The following UBN1 variants were observed in gnomAD, a reference collection of about 807,000 sequenced individuals.
UBN1 encodes the protein ubinuclein-1.
Under a neutral mutation model 108.5 loss-of-function variants are expected in UBN1, and 17 were observed. That is an observed-to-expected ratio of 0.16 (90% CI 0.11 to 0.24). The LOEUF (loss-of-function observed/expected upper bound fraction) is 0.24, where lower values mean the gene tolerates loss of function less well. Among genes scored for constraint, UBN1 ranks in the 10% least tolerant of loss-of-function variants. The probability of loss-of-function intolerance (pLI) is 1.00; values close to 1 mark genes in which losing one functional copy is unlikely to be tolerated. For missense variants in UBN1, 1,595 were observed against 1,394.4 expected (o/e 1.14, Z -2.29); for synonymous variants, 726 against 564.2 (o/e 1.29, Z -4.07).
Position 4,857,994 on chromosome 16 carries a change from A to T in UBN1, c.254A>T (p.Lys85Ile). ...TGTGGAACGATCTCTTTACAGAAGA[A>T]AGATCTGTCAGATCCTTTCAATGAC... ...VKGLQPGDKK[K>I]DLSDPFNDEE... Residue 85 changes from lysine (K) to isoleucine (I), a missense_variant, in exon 3 of 18, where the codon AAA becomes ATA. Physicochemically the swap from Lys to Ile is moderately radical, Grantham distance 102. This residue lies in a region of UBN1 where 181 missense variants were observed against 157.3 expected (regional missense o/e 1.15). Transcript: ENST00000262376. 1 of 1,610,492 alleles carries T rather than the reference A, an allele frequency of 6.2e-7. No individual in the cohort carries two copies. Among genetic ancestry groups the T allele is most frequent in the Non-Finnish European group, 8.5e-7 (1 of 1,178,544 alleles).
rs150284089 is a variant in UBN1, at chr16:4,853,136, G to A, written c.219G>A (p.Gly73=). 1 of 1,614,224 alleles carries A rather than the reference G, an allele frequency of 6.2e-7. No individual in the cohort carries two copies. Among genetic ancestry groups the A allele is most frequent in the African/African-American group, 1.3e-5 (1 of 75,056 alleles). ...FYPELVKNIR[G]KVKGLQPGDK... is the part of the protein sequence containing the mutation. ...CAGAGCTGGTGAAGAATATCCGAGG[G>A]AAGGTAAAAGGCCTTCAGCCTGGAG... Residue 73 remains glycine (G), a synonymous_variant, in exon 2 of 18, where the codon GGG becomes GGA. Transcript: ENST00000262376.
chr16:4,875,085 T>G lies in UBN1; in HGVS notation c.2675T>G (p.Val892Gly). The change falls in exon 15 of 18, where the codon GTC becomes GGC. Residue 892 changes from valine (V) to glycine (G), a missense_variant. By Grantham distance (109) the Val-to-Gly change is moderately radical. Transcript: ENST00000262376. The part of the protein sequence containing the change: ...ALSHPAKPHS[V>G]SSAGSSYKNN... ...AGCCATCCAGCAAAGCCACATTCAG[T>G]CAGCTCTGCAGGCTCATCTTACAAG... 1 of 1,614,132 alleles carries G rather than the reference T, an allele frequency of 6.2e-7. No homozygotes were observed. The highest frequency in any genetic ancestry group is 1.3e-5 in the African/African-American group (1 of 75,064).
chr16:4,854,012 A>G (rs530393988), intron 2 of UBN1, among the ~76,000 whole-genome samples: 5 of 152,072 alleles, frequency 3.3e-5, no homozygotes, highest in African/African-American at 1.2e-4. Context: ...GATTTCTAAC[A>G]GCTTAGATCT....
chr16:4,870,272 T>G lies in UBN1; in HGVS notation c.1242T>G (p.Leu414=). The G allele has an allele frequency of 6.2e-7, 1 of 1,614,222 alleles. No individual in the cohort carries two copies. The highest frequency in any genetic ancestry group is 8.5e-7 in the Non-Finnish European group (1 of 1,180,034). The change falls in exon 9 of 18, where the codon CTT becomes CTG. Residue 414 remains leucine, a synonymous_variant. Transcript: ENST00000262376. ...SQVRSGVYAY[L]ASFLPCSKDA... ...TCCGCTCTGGGGTGTATGCCTATCTTGCGTCATTCCTGCCCTGCAGCAAGG... is the reference window on the plus strand; with the variant it reads ...TCCGCTCTGGGGTGTATGCCTATCTGGCGTCATTCCTGCCCTGCAGCAAGG...
intron 8 of UBN1, 77 bp downstream of exon 8, chr16:4,868,980 G>A (rs539254718): frequency 6.7e-7 from 1 of 1,493,678 alleles, no homozygotes; most frequent in Non-Finnish European, 9.3e-7. Context: ...CTAGGGGACA[G>A]TGGGAGTACA....
chr16:4,872,809 C>G (rs1245887403), intron 12 of UBN1, 75 bp from the exon 13 acceptor site: 1 of 1,551,636 alleles, frequency 6.4e-7, no homozygotes, highest in African/African-American at 1.4e-5. Context: ...GGACCAGGGA[C>G]ACTAGCAAAG....
Position 4,847,557 on chromosome 16 carries a change from C to G in UBN1, c.-693C>G. 2.3e-6 allele frequency: 1 copy of G among 430,424 alleles called. No individual in the cohort carries two copies. Among genetic ancestry groups the G allele is most frequent in the Non-Finnish European group, 4.1e-6 (1 of 241,918 alleles). 26.7% of individuals were successfully genotyped at this position (430,424 alleles called of 1,614,324 possible). On this transcript the variant is annotated 5_prime_UTR_variant, in exon 1 of 18. Coordinates refer to ENST00000262376, the MANE Select transcript of UBN1 (RefSeq NM_001079514.3). ...GGCGGCGGCGGCGGCGACGGTGCGA[C>G]CGGCTGAGCGCGAGAGGGAGCCGGC...
At chr16:4,867,679 A>G (rs924341794) in intron 7 of UBN1, among the ~76,000 whole-genome samples, 2 of 152,120 alleles carry the variant, frequency 1.3e-5, no homozygotes, top group Non-Finnish European at 2.9e-5. Context: ...GGGTCCGCCT[A>G]TGGAAAGGAG....
rs1280993477 is a variant in UBN1, at chr16:4,870,198, G to A, written c.1182-14G>A. 6.2e-7 allele frequency: 1 copy of A among 1,614,152 alleles called. No homozygotes were observed. ...GTGAGCTGCAGCCGGTGGTGACTGT[G>A]TTTTGTTCTTCAGCATAGAGGCGCA... On this transcript the variant is annotated splice_polypyrimidine_tract_variant and intron_variant, in intron 8 of 17. Transcript: ENST00000262376.
chr16:4,875,644 C>T (rs1427880576), intron 15 of UBN1, among the ~76,000 whole-genome samples: 1 of 152,202 alleles, frequency 6.6e-6, no homozygotes, highest in African/African-American at 2.4e-5. Flanking sequence ...AAAGCTTCTT[C>T]TGAGGAGGGC....
intron 8 of UBN1, among the ~76,000 whole-genome samples, chr16:4,869,153 CAT>C (rs947867039): frequency 1.2e-4 from 18 of 152,330 alleles, no homozygotes; most frequent in South Asian, 4.1e-4. Flanking sequence ...GCATTAATAA[CAT>C]GTGATAATCA....
intron 7 of UBN1, among the ~76,000 whole-genome samples, chr16:4,865,227 C>G (rs546261124): frequency 6.6e-6 from 1 of 152,182 alleles, no homozygotes; most frequent in African/African-American, 2.4e-5. Flanking sequence ...GCAGTCGACT[C>G]TTCAGTATAA....
intron 12 of UBN1, chr16:4,872,182 A>G: frequency 1.0e-6 from 1 of 984,986 alleles, no homozygotes; most frequent in Non-Finnish European, 1.2e-6. Flanking sequence ...TGTCCTCTCT[A>G]CGTAGGCTGG....
In UBN1 at chr16:4,874,413, A is replaced by C; in HGVS notation, c.2003A>C (p.Asn668Thr). The C allele has an allele frequency of 6.2e-7, 1 of 1,613,924 alleles. No homozygotes were observed. The highest frequency in any genetic ancestry group is 1.6e-4 in the Middle Eastern group (1 of 6,062). Residue 668 changes from asparagine (N) to threonine (T), a missense_variant, in exon 15 of 18, where the codon AAT becomes ACT. Transcript: ENST00000262376. The stretch of plus-strand genomic sequence containing the variant: ...TCATTGGATGAAGACTTGATCCGCA[A>C]TCCAGCCTCCTCGGTGGAAGCCGTG... Reference protein sequence around the residue: ...EDSLDEDLIRNPASSVEAVSK... With the variant: ...EDSLDEDLIRTPASSVEAVSK...
In UBN1 at chr16:4,853,259, A is replaced by T. The variant is rs556652620; in HGVS notation, c.249+93A>T. 23 of 1,509,196 alleles carry T rather than the reference A, an allele frequency of 1.5e-5. No homozygotes were observed. The Admixed American group carries it at 2.7e-4, about 17-fold the overall frequency. 93.5% of individuals were successfully genotyped at this position (1,509,196 alleles called of 1,614,324 possible). On this transcript the variant is annotated intron_variant, in intron 2 of 17. Coordinates refer to ENST00000262376, the MANE Select transcript of UBN1 (RefSeq NM_001079514.3). Reference sequence around the variant, plus strand: ...TTCCGTAGCGGGGAAGCAAGACTTAACTGAGGTTTTGGCTGCCCCAAGATC... The same window carrying T: ...TTCCGTAGCGGGGAAGCAAGACTTATCTGAGGTTTTGGCTGCCCCAAGATC...
At chr16:4,856,139 G>C (rs1020162700) in intron 2 of UBN1, among the ~76,000 whole-genome samples, 1 of 152,146 alleles carries the variant, frequency 6.6e-6, no homozygotes, top group Non-Finnish European at 1.5e-5. Context: ...AGCAGGAGTT[G>C]GTTAATGTGT....
rs1207002597 is a variant in UBN1 at position 4,874,978 on chromosome 16, C to G, written c.2568C>G (p.Pro856=). ...KTAAKGQGFH[P]SAPATSGGLS... is the part of the protein sequence containing the mutation. The stretch of plus-strand genomic sequence containing the variant: ...CGGCCAAAGGCCAGGGCTTCCATCC[C>G]TCTGCACCAGCCACCTCAGGAGGCC... Residue 856 remains proline, a synonymous_variant, in exon 15 of 18, where the codon CCC becomes CCG. Coordinates refer to ENST00000262376, the MANE Select transcript of UBN1 (RefSeq NM_001079514.3). 6.2e-7 allele frequency: 1 copy of G among 1,614,166 alleles called. No individual in the cohort carries two copies. Among genetic ancestry groups the G allele is most frequent in the South Asian group, 1.1e-5 (1 of 91,090 alleles).
At chr16:4,854,046 G>C (rs2086679335) in intron 2 of UBN1, among the ~76,000 whole-genome samples, 1 of 151,774 alleles carries the variant, frequency 6.6e-6, no homozygotes, top group African/African-American at 2.4e-5. Context: ...GGGTTTTTTT[G>C]TTTTTGAGGC....
chr16:4,866,578 T>C (rs2087343090), intron 7 of UBN1, among the ~76,000 whole-genome samples: 1 of 152,258 alleles, frequency 6.6e-6, no homozygotes, highest in Non-Finnish European at 1.5e-5. Flanking sequence ...AGTGGCACGA[T>C]CTTGCCTTAC....
Sources: gnomAD v4.1 joint callset for allele counts (sites outside exome capture counted in the v4.1 genomes callset) on GRCh38, gnomAD v4.1.1 for gene constraint, gnomAD v4.1.1 regional missense constraint, MANE v1.5 for transcripts, NCBI Gene and HGNC (gene_info 2026-07-23, HGNC 2026-07-21) for gene names.